TTC28: variants seen among roughly 807,000 people sequenced by gnomAD.
The protein encoded by TTC28 is tetratricopeptide repeat domain 28.
A neutral mutation model predicts 198.0 loss-of-function variants in TTC28; 61 were observed. The ratio of observed to expected loss-of-function variants is 0.31; its 90% CI spans 0.25 to 0.38. The LOEUF is 0.38. Among genes scored for constraint, TTC28 ranks in the 10% least tolerant of loss-of-function variants. The probability of loss-of-function intolerance (pLI) is 1.00; values close to 1 mark genes in which losing one functional copy is unlikely to be tolerated. For missense variants in TTC28, 2,678 were observed against 3,164.0 expected (o/e 0.85, Z 3.69); for synonymous variants, 1,171 against 1,297.8 (o/e 0.90, Z 2.10).
At chr22:28,223,683 G>A (rs1601498708) in intron 5 of TTC28, among the ~76,000 whole-genome samples, 1 of 152,296 alleles carries the variant, frequency 6.6e-6, no homozygotes, top group South Asian at 2.1e-4. Flanking sequence ...AATTACACAA[G>A]TGGCTAGGTT....
chr22:28,131,232 T>C (rs2146963491), intron 6 of TTC28, among the ~76,000 whole-genome samples: 1 of 152,244 alleles, frequency 6.6e-6, no homozygotes, highest in Admixed American at 6.5e-5. Flanking sequence ...AAAAACACAT[T>C]TTTTTTTCTC....
chr22:28,014,451 C>G (rs1938283809), intron 13 of TTC28, 59 bp from the exon 14 acceptor site: 4 of 1,485,996 alleles, frequency 2.7e-6, no homozygotes, highest in African/African-American at 1.4e-5. Flanking sequence ...AAGACTCACC[C>G]TGGCCCTCCA....
At chr22:28,606,094 TG>T (rs199912904) in intron 2 of TTC28, among the ~76,000 whole-genome samples, 1,625 of 147,092 alleles carry the variant, frequency 0.011, 47 homozygotes, top group Middle Eastern at 0.051. Context: ...TTTTTTTTTT[TG>T]TTTTTTGAGA....
rs554710788 is a variant in TTC28 at position 28,270,173 on chromosome 22, G to C, written c.933+26025C>G. ...TAAAACATCAATCAATGCACGTAAG[G>C]TATGTATTGATTCAATCCGGAAAAG... On this transcript the variant is annotated intron_variant, in intron 5 of 22. Coordinates refer to ENST00000397906, the MANE Select transcript of TTC28 (RefSeq NM_001145418.2). Among the ~76,000 whole-genome samples the C allele has an allele frequency of 5.3e-5, 8 of 152,158 alleles. 1 individual carries two copies. The South Asian group carries it at 1.7e-3, about 32-fold the overall frequency.
At chr22:28,428,750 C>T (rs2047389974) in intron 2 of TTC28, among the ~76,000 whole-genome samples, 2 of 151,836 alleles carry the variant, frequency 1.3e-5, no homozygotes, top group Middle Eastern at 3.4e-3. Flanking sequence ...GCCATTCTCC[C>T]GCCTCAGCCT....
At chr22:28,650,168 A>T (rs1334118701) in intron 1 of TTC28, among the ~76,000 whole-genome samples, 1 of 152,172 alleles carries the variant, frequency 6.6e-6, no homozygotes, top group East Asian at 1.9e-4. Context: ...TCCAAGTACC[A>T]CACATGAAAA....
intron 2 of TTC28, among the ~76,000 whole-genome samples, chr22:28,573,046 T>C (rs2050087467): frequency 6.7e-6 from 1 of 148,202 alleles, no homozygotes; most frequent in Non-Finnish European, 1.5e-5. Context: ...CACTTGAGCC[T>C]GGGAGGTCAA....
chr22:28,502,261 T>C (rs1274259602), intron 2 of TTC28, among the ~76,000 whole-genome samples: 1 of 152,176 alleles, frequency 6.6e-6, no homozygotes, highest in African/African-American at 2.4e-5. Flanking sequence ...TGGAAAATGT[T>C]CATGAACTGA....
chr22:28,517,652 G>C (rs564178638), intron 2 of TTC28, among the ~76,000 whole-genome samples: 1 of 152,290 alleles, frequency 6.6e-6, no homozygotes, highest in East Asian at 1.9e-4. Flanking sequence ...GCTACAGAAT[G>C]TCTCAGTCTT....
intron 1 of TTC28, among the ~76,000 whole-genome samples, chr22:28,633,815 C>G (rs2051219928): frequency 6.6e-6 from 1 of 152,166 alleles, no homozygotes; most frequent in Admixed American, 6.5e-5. Flanking sequence ...TTAAATAAAT[C>G]TCTTCTTTAG....
chr22:28,081,747 C>T (rs1219729677), intron 12 of TTC28, among the ~76,000 whole-genome samples: 1 of 152,196 alleles, frequency 6.6e-6, no homozygotes, highest in African/African-American at 2.4e-5. Flanking sequence ...CCGCCTCAGC[C>T]TCCCAAAGTG....
chr22:28,465,575 G>T lies in TTC28; in HGVS notation c.382-158932C>A, dbSNP rs2048007199. Among the ~76,000 whole-genome samples, 3 of 151,738 alleles carry T rather than the reference G, an allele frequency of 2.0e-5. 1 individual carries two copies. In the South Asian group the frequency reaches 6.3e-4, roughly 32 times the overall value. On this transcript the variant is annotated intron_variant, in intron 2 of 22. Coordinates refer to ENST00000397906, the MANE Select transcript of TTC28 (RefSeq NM_001145418.2). ...GGGAGTGGAAGTTGCAGTGAGCCTA[G>T]ATGGTGCCACTGCACTCCAGCGTGG...
intron 2 of TTC28, among the ~76,000 whole-genome samples, chr22:28,391,794 C>T (rs1029857925): frequency 1.3e-5 from 2 of 152,222 alleles, no homozygotes; most frequent in Admixed American, 6.5e-5. Context: ...TGAATTTCCT[C>T]CCGTAGCTCG....
intron 12 of TTC28, among the ~76,000 whole-genome samples, chr22:28,032,465 C>T (rs913814944): frequency 4.6e-5 from 7 of 151,524 alleles, no homozygotes; most frequent in Admixed American, 4.0e-4. Context: ...GCTCTTTAAA[C>T]ACAGCGCAGT....
Position 27,998,796 on chromosome 22 carries a change from C to A in TTC28, c.4863G>T (p.Val1621=). ...VLDLQLPVKL[V]VLGSSQESNS... is the part of the protein sequence containing the mutation. Reference sequence around the variant, plus strand: ...TGGACTCCTGGGAGGAGCCAAGCACCACCAGCTTCACAGGCAGCTGCAGGT... The same window carrying A: ...TGGACTCCTGGGAGGAGCCAAGCACAACCAGCTTCACAGGCAGCTGCAGGT... Residue 1621 remains valine (V), a synonymous_variant, in exon 16 of 23, where the codon GTG becomes GTT. Transcript: ENST00000397906. 1 of 1,550,662 alleles carries A rather than the reference C, an allele frequency of 6.4e-7. No homozygotes were observed. The highest frequency in any genetic ancestry group is 1.2e-5 in the South Asian group (1 of 84,066).
chr22:28,507,797 C>G (rs2048633145), intron 2 of TTC28, among the ~76,000 whole-genome samples: 1 of 152,120 alleles, frequency 6.6e-6, no homozygotes, highest in Non-Finnish European at 1.5e-5. Flanking sequence ...AATTTCATAC[C>G]TGGCCAAACT....
At chr22:28,285,472 T>G (rs1601580416) in intron 5 of TTC28, among the ~76,000 whole-genome samples, 1 of 152,122 alleles carries the variant, frequency 6.6e-6, no homozygotes, top group Admixed American at 6.5e-5. Context: ...AAATAAGTTC[T>G]GGGGACTCTA....
chr22:28,533,080 T>G (rs2049176762), intron 2 of TTC28, among the ~76,000 whole-genome samples: 1 of 152,062 alleles, frequency 6.6e-6, no homozygotes, highest in African/African-American at 2.4e-5. Flanking sequence ...GAGAAAGAAA[T>G]AAAGGGTATT....
Position 28,296,344 on chromosome 22 carries a change from A to C in TTC28, c.803-16T>G. The C allele has an allele frequency of 9.4e-7, 1 of 1,058,530 alleles. No homozygotes were observed. Among genetic ancestry groups the C allele is most frequent in the African/African-American group, 1.7e-5 (1 of 60,082 alleles). The allele number at this position is 1,058,530 out of a possible 1,614,324, so 65.6% of individuals were successfully genotyped here. ...GTCTGGTCACCTGGATTGAATTGAG[A>C]AAAAAAAAAAGAAAAAATTTCTCTA... On this transcript the variant is annotated splice_polypyrimidine_tract_variant and intron_variant, in intron 4 of 22. Transcript: ENST00000397906.
Sources: allele counts gnomAD v4.1 joint callset (sites outside exome capture counted in the v4.1 genomes callset), GRCh38; gene constraint gnomAD v4.1.1; transcripts MANE v1.5; gene names NCBI Gene and HGNC (gene_info 2026-07-23, HGNC 2026-07-21).